TLK2: variants seen among roughly 807,000 people sequenced by gnomAD.
TLK2 encodes the protein tousled like kinase 2, also known as serine/threonine-protein kinase tousled-like 2.
Under a neutral mutation model 117.3 loss-of-function variants are expected in TLK2, and 6 were observed. The observed-to-expected ratio is 0.05, with a 90% CI of 0.03 to 0.10. The LOEUF is 0.10. Among genes scored for constraint, TLK2 ranks in the 10% least tolerant of loss-of-function variants. The pLI, the probability that TLK2 is intolerant of heterozygous loss-of-function variation, is 1.00. For missense variants in TLK2, 299 were observed against 901.2 expected, an observed-to-expected ratio of 0.33 and a Z score of 8.56; for synonymous variants, 257 against 316.7, an observed-to-expected ratio of 0.81 and a Z score of 2.00.
At chr17:62,496,598 G>T (rs2073712341) in intron 2 of TLK2, among the ~76,000 whole-genome samples, 1 of 152,104 alleles carries the variant, frequency 6.6e-6, no homozygotes, top group Admixed American at 6.6e-5. Flanking sequence ...ATATTTGTGT[G>T]TGTGTATATA....
chr17:62,584,107 GTTTTTT>G (rs572000997), intron 15 of TLK2, among the ~76,000 whole-genome samples: 2 of 78,522 alleles, frequency 2.5e-5, no homozygotes, highest in Admixed American at 1.8e-4. Context: ...TTCTTTTGTG[GTTTTTT>G]TTTTTTTTTT....
chr17:62,476,993 G>A (rs565282484), upstream of TLK2, among the ~76,000 whole-genome samples: 25 of 152,078 alleles, frequency 1.6e-4, no homozygotes, highest in Non-Finnish European at 3.1e-4. Flanking sequence ...AGGAGGCTGA[G>A]GCAGGGAGAA....
intron 15 of TLK2, among the ~76,000 whole-genome samples, chr17:62,585,398 C>A (rs1295217721): frequency 6.6e-6 from 1 of 152,146 alleles, no homozygotes; most frequent in African/African-American, 2.4e-5. Context: ...ATTAGCCGGG[C>A]GTGATGGTGC....
rs1301447853 is a variant in TLK2 at position 62,489,817 on chromosome 17, C to T, written c.81+8611C>T. ...TCCATTGTTCACAGTTGTCTACTGG[C>T]TTCCATTGGGCTCTTTATTTTTATT... On this transcript the variant is annotated intron_variant, in intron 2 of 21. Transcript: ENST00000346027. 7.9e-5 allele frequency among the ~76,000 whole-genome samples: 12 copies of T among 152,116 alleles called. No homozygotes were observed. In the East Asian group the frequency reaches 1.2e-3, roughly 15 times the overall value.
chr17:62,485,852 A>G (rs1165312414), intron 2 of TLK2, among the ~76,000 whole-genome samples: 28 of 126,706 alleles, frequency 2.2e-4, no homozygotes, highest in Admixed American at 8.1e-4. Context: ...ACGGAATCTC[A>G]CTCTGTCGCC....
At chr17:62,586,064 T>C (rs893919778) in intron 15 of TLK2, 71 bp from the exon 16 acceptor site, 1 of 1,161,844 alleles carries the variant, frequency 8.6e-7, no homozygotes, top group Non-Finnish European at 1.2e-6. Context: ...ATATGTTAAA[T>C]TAAAGCTTCA....
intron 1 of TLK2, among the ~76,000 whole-genome samples, chr17:62,480,694 ATT>A (rs2071535095): frequency 6.6e-6 from 1 of 152,162 alleles, no homozygotes; most frequent in African/African-American, 2.4e-5. Flanking sequence ...AATGATTCAT[ATT>A]TTTAGTTTAA....
At chr17:62,583,182 C>T (rs2081341208) in intron 15 of TLK2, among the ~76,000 whole-genome samples, 1 of 152,104 alleles carries the variant, frequency 6.6e-6, no homozygotes, top group Non-Finnish European at 1.5e-5. Flanking sequence ...ACCTCCATCT[C>T]CCCAGTTCAA....
chr17:62,528,440 A>T (rs1379796296), intron 6 of TLK2, among the ~76,000 whole-genome samples: 1 of 152,048 alleles, frequency 6.6e-6, no homozygotes, highest in Non-Finnish European at 1.5e-5. Flanking sequence ...TTTTGGAGAC[A>T]AAGTCTCACT....
chr17:62,520,954 C>T lies in TLK2; in HGVS notation c.153+110C>T, dbSNP rs528190254. The T allele has an allele frequency of 5.5e-5, 70 of 1,267,736 alleles. No homozygotes were observed. The African/African-American group carries it at 1.0e-3, about 19-fold the overall frequency. 78.5% of individuals were successfully genotyped at this position (1,267,736 alleles called of 1,614,324 possible). On this transcript the variant is annotated intron_variant, in intron 3 of 21. Coordinates refer to ENST00000346027, the MANE Select transcript of TLK2 (RefSeq NM_006852.6). ...TTGGGAGGCTGAGGCGGGCAGATTG[C>T]TTGAGGCTGGGAGTTGGAGACCAGC...
rs917583110 is a variant in TLK2 at position 62,613,427 on chromosome 17, C to T, written c.*862C>T. Reference sequence around the variant, plus strand: ...ATTTCTTCACAATTTGAACACTTGACGGTTGTCCCTTTTAATTTATTTGAA... The same window carrying T: ...ATTTCTTCACAATTTGAACACTTGATGGTTGTCCCTTTTAATTTATTTGAA... On this transcript the variant is annotated 3_prime_UTR_variant, in exon 22 of 22. Transcript: ENST00000346027. The T allele has an allele frequency of 2.0e-5, 3 of 152,586 alleles. No individual in the cohort carries two copies. The highest frequency in any genetic ancestry group is 2.1e-4 in the South Asian group (1 of 4,824). 9.5% of individuals were successfully genotyped at this position (152,586 alleles called of 1,614,324 possible).
chr17:62,516,662 C>G lies in TLK2; in HGVS notation c.82-4111C>G, dbSNP rs889553562. 3.5e-5 allele frequency: 57 copies of G among 1,609,636 alleles called. No homozygotes were observed. The Admixed American group carries it at 9.2e-4, about 26-fold the overall frequency. On this transcript the variant is annotated intron_variant, in intron 2 of 21. Transcript: ENST00000346027. ...TGAAGGTTGGGCACATTCTTGTCTG[C>G]CAGCTCCGGGTGCTTAGGCATGTGG...
At chr17:62,600,497 C>A in intron 17 of TLK2, 154 bp from the exon 18 acceptor site, 1 of 646,164 alleles carries the variant, frequency 1.5e-6, no homozygotes, top group Non-Finnish European at 2.6e-6. Context: ...AACCCCTCAG[C>A]TAATACTGAA....
intron 2 of TLK2, among the ~76,000 whole-genome samples, chr17:62,511,900 A>T (rs2075171324): frequency 6.6e-6 from 1 of 152,186 alleles, no homozygotes; most frequent in South Asian, 2.1e-4. Context: ...TTACACCAAC[A>T]TGTTTTTCTT....
At chr17:62,493,691 T>C (rs2073349110) in intron 2 of TLK2, among the ~76,000 whole-genome samples, 1 of 152,210 alleles carries the variant, frequency 6.6e-6, no homozygotes. Flanking sequence ...ATTGCAACTA[T>C]TACAAATAGT....
chr17:62,520,921 C>T, intron 3 of TLK2, 77 bp downstream of exon 3: 2 of 1,536,830 alleles, frequency 1.3e-6, no homozygotes, highest in East Asian at 4.7e-5. Context: ...GGCTGTAATC[C>T]CAGCACTTTG....
At chr17:62,584,399 G>A (rs2081459150) in intron 15 of TLK2, among the ~76,000 whole-genome samples, 2 of 152,102 alleles carry the variant, frequency 1.3e-5, no homozygotes, top group South Asian at 2.1e-4. Flanking sequence ...ACAGGTGTGA[G>A]CCATCGCGCC....
intron 21 of TLK2, among the ~76,000 whole-genome samples, chr17:62,611,373 G>A (rs184536463): frequency 2.9e-3 from 434 of 152,188 alleles, no homozygotes; most frequent in Admixed American, 5.0e-3. Context: ...AAACATGGGG[G>A]AAAACCAAAA....
chr17:62,581,847 G>T (rs2081245265), intron 15 of TLK2, among the ~76,000 whole-genome samples: 1 of 152,132 alleles, frequency 6.6e-6, no homozygotes, highest in Admixed American at 6.6e-5. Flanking sequence ...AATTATTCTA[G>T]CTACTTAGAT....
Sources: allele counts gnomAD v4.1 joint callset (sites outside exome capture counted in the v4.1 genomes callset), GRCh38; gene constraint gnomAD v4.1.1; transcripts MANE v1.5; gene names NCBI Gene and HGNC (gene_info 2026-07-23, HGNC 2026-07-21).